UBAC2: variants seen among roughly 807,000 people sequenced by gnomAD.
UBAC2 encodes UBA domain containing 2.
In UBAC2, 26 loss-of-function variants were observed where a neutral mutation model predicts 44.0. The ratio of observed to expected loss-of-function variants is 0.59; its 90% CI spans 0.43 to 0.82. The LOEUF (loss-of-function observed/expected upper bound fraction) is 0.82. Ranked by LOEUF, UBAC2 falls within the 40% of genes least tolerant of loss-of-function variation. The pLI, the probability that UBAC2 is intolerant of heterozygous loss-of-function variation, is 0.00. For missense variants in UBAC2, 329 were observed against 419.4 expected, an observed-to-expected ratio of 0.78 and a Z score of 1.88; for synonymous variants, 155 against 154.3, an observed-to-expected ratio of 1.00 and a Z score of -0.04.
At chr13:99,300,260 A>C (rs2044239206) in intron 4 of UBAC2, among the ~76,000 whole-genome samples, 1 of 152,234 alleles carries the variant, frequency 6.6e-6, no homozygotes, top group African/African-American at 2.4e-5. Context: ...GGCCAAAGAA[A>C]GGCATTTGCA....
intron 8 of UBAC2, chr13:99,377,568 A>G (rs966862290): frequency 4.6e-5 from 7 of 152,246 alleles, no homozygotes; most frequent in African/African-American, 1.7e-4. Flanking sequence ...CTGACCATCT[A>G]TAATACCATT....
chr13:99,340,044 C>A lies in UBAC2; in HGVS notation c.562-276C>A, dbSNP rs77469374. On this transcript the variant is annotated intron_variant, in intron 6 of 8. Coordinates refer to ENST00000403766, the MANE Select transcript of UBAC2 (RefSeq NM_001144072.2). ...TTAAAAAATGAAGACAGTGTCTTGA[C>A]AATCTTTTACCAGAACTTTGAATAC... is the stretch of plus-strand genomic sequence containing the variant. Among the ~76,000 whole-genome samples the A allele has an allele frequency of 6.4e-3, 977 of 152,266 alleles. 6 individuals are homozygous for A. The highest frequency in any genetic ancestry group is 0.023 in the African/African-American group (948 of 41,554).
At chr13:99,346,844 G>C (rs1462060124) in intron 7 of UBAC2, among the ~76,000 whole-genome samples, 2 of 152,344 alleles carry the variant, frequency 1.3e-5, no homozygotes, top group Admixed American at 1.3e-4. Flanking sequence ...GAGCAGACTT[G>C]TTTTCTGTAT....
At chr13:99,377,225 C>T (rs995878878) in intron 8 of UBAC2, 11 of 152,414 alleles carry the variant, frequency 7.2e-5, no homozygotes, top group African/African-American at 2.7e-4. Flanking sequence ...AGCTCACCGT[C>T]TATGAGGGAG....
intron 6 of UBAC2, among the ~76,000 whole-genome samples, chr13:99,337,408 T>C (rs1385610893): frequency 1.3e-5 from 2 of 151,978 alleles, no homozygotes; most frequent in African/African-American, 4.8e-5. Flanking sequence ...TATCTTACAG[T>C]TTTTCTTGCT....
At chr13:99,244,024 G>C in intron 3 of UBAC2, 73 bp downstream of exon 3, 1 of 1,200,494 alleles carries the variant, frequency 8.3e-7, no homozygotes, top group Non-Finnish European at 1.1e-6. Context: ...ATTTTATTTT[G>C]TTAAACTTGG....
chr13:99,202,090 A>G (rs1466041006), intron 1 of UBAC2, among the ~76,000 whole-genome samples: 1 of 151,844 alleles, frequency 6.6e-6, no homozygotes, highest in Non-Finnish European at 1.5e-5. Flanking sequence ...AAAAAAAAAA[A>G]AAAAGATCTG....
chr13:99,358,702 A>T (rs1594167804), intron 7 of UBAC2, among the ~76,000 whole-genome samples: 1 of 152,308 alleles, frequency 6.6e-6, no homozygotes, highest in East Asian at 1.9e-4. Context: ...GTGGTCTCAC[A>T]CGGGGCAGTG....
chr13:99,376,245 C>T (rs936194387), intron 8 of UBAC2, among the ~76,000 whole-genome samples: 10 of 152,290 alleles, frequency 6.6e-5, no homozygotes, highest in South Asian at 6.2e-4. Flanking sequence ...CTTGTGGCAA[C>T]GCCTATTTCT....
intron 1 of UBAC2, among the ~76,000 whole-genome samples, chr13:99,229,190 A>T (rs1313297008): frequency 6.6e-6 from 1 of 152,190 alleles, no homozygotes; most frequent in Non-Finnish European, 1.5e-5. Flanking sequence ...GGCTGCTCAT[A>T]GTAGTGTGTG....
intron 4 of UBAC2, among the ~76,000 whole-genome samples, chr13:99,253,218 G>A (rs1461216743): frequency 6.6e-6 from 1 of 151,768 alleles, no homozygotes; most frequent in Non-Finnish European, 1.5e-5. Context: ...CTGCATCTCA[G>A]TACCACCTTA....
At chr13:99,309,204 G>A (rs189932589) in intron 4 of UBAC2, among the ~76,000 whole-genome samples, 38 of 151,782 alleles carry the variant, frequency 2.5e-4, no homozygotes, top group African/African-American at 8.0e-4. Context: ...TCCACCTCCC[G>A]GCTTCAAGCA....
intron 6 of UBAC2, among the ~76,000 whole-genome samples, chr13:99,326,498 T>C (rs536079876): frequency 3.1e-4 from 47 of 152,230 alleles, no homozygotes; most frequent in Non-Finnish European, 6.2e-4. Flanking sequence ...ATACACATTC[T>C]AAAAATAATT....
intron 2 of UBAC2, 41 bp downstream of exon 2, chr13:99,238,595 G>GTTTTT: frequency 1.6e-6 from 2 of 1,265,436 alleles, no homozygotes; most frequent in South Asian, 1.9e-5. Context: ...AGAGCGGACA[G>GTTTTT]TTTTTTTTTT....
intron 4 of UBAC2, among the ~76,000 whole-genome samples, chr13:99,291,563 C>G (rs1236683938): frequency 6.6e-6 from 1 of 152,196 alleles, no homozygotes; most frequent in African/African-American, 2.4e-5. Flanking sequence ...CGCATGCCAC[C>G]TTGTACTCAA....
intron 7 of UBAC2, among the ~76,000 whole-genome samples, chr13:99,356,934 G>T (rs1359923756): frequency 3.3e-5 from 5 of 152,152 alleles, no homozygotes; most frequent in African/African-American, 4.8e-5. Flanking sequence ...TTTGGGCTTT[G>T]TTTGGTTTTT....
At chr13:99,240,158 G>A (rs566694182) in intron 2 of UBAC2, among the ~76,000 whole-genome samples, 81 of 152,314 alleles carry the variant, frequency 5.3e-4, no homozygotes, top group African/African-American at 1.7e-3. Flanking sequence ...GATTTTGGCA[G>A]TGAATGCAGA....
chr13:99,304,264 G>C (rs563226049), intron 4 of UBAC2, among the ~76,000 whole-genome samples: 1 of 152,266 alleles, frequency 6.6e-6, no homozygotes, highest in African/African-American at 2.4e-5. Flanking sequence ...CCCTCTGTTT[G>C]ATGTCCTCTG....
In UBAC2 at chr13:99,295,757, A is replaced by C; in HGVS notation, c.390-18340A>C. On this transcript the variant is annotated intron_variant, in intron 4 of 8. Coordinates refer to ENST00000403766, the MANE Select transcript of UBAC2 (RefSeq NM_001144072.2). The surrounding 1 kb of genome is among the most constrained non-coding windows in gnomAD (Gnocchi z 4.1). ...GCGTAGAGGGTGCACCACAGCAATG[A>C]AGCGGTCAATACTCAGGCAGGTCAT... 1 of 1,614,148 alleles carries C rather than the reference A, an allele frequency of 6.2e-7. No homozygotes were observed. Among genetic ancestry groups the C allele is most frequent in the Middle Eastern group, 1.7e-4 (1 of 6,060 alleles).
Sources: gnomAD v4.1 joint callset for allele counts (sites outside exome capture counted in the v4.1 genomes callset) on GRCh38, gnomAD v4.1.1 for gene constraint, Gnocchi (gnomAD v3.1) non-coding constraint, MANE v1.5 for transcripts, NCBI Gene and HGNC (gene_info 2026-07-23, HGNC 2026-07-21) for gene names.